DHRSX: variants seen among roughly 807,000 people sequenced by gnomAD.
DHRSX encodes polyprenol dehydrogenase.
In DHRSX, 31 loss-of-function variants were observed where a neutral mutation model predicts 34.0. The observed-to-expected ratio is 0.91, with a 90% CI of 0.69 to 1.23. DHRSX has a LOEUF of 1.23. Among genes scored for constraint, DHRSX ranks in the 50% most tolerant of loss-of-function variants. The probability of loss-of-function intolerance (pLI) is 0.00; values close to 1 mark genes in which losing one functional copy is unlikely to be tolerated. For synonymous variants in DHRSX, 201 were observed against 183.8 expected, an observed-to-expected ratio of 1.09 and a Z score of -0.76; for missense variants, 414 against 428.1, an observed-to-expected ratio of 0.97 and a Z score of 0.29.
chrX:2,471,564 CAA>C (rs772245590), intron 1 of DHRSX, among the ~76,000 whole-genome samples: 9 of 126,120 alleles, frequency 7.1e-5, no homozygotes, highest in African/African-American at 5.6e-5. Flanking sequence ...AACTCCATCT[CAA>C]AAAAAAAAAA....
At chrX:2,462,946 G>A (rs909909708) in intron 1 of DHRSX, among the ~76,000 whole-genome samples, 1 of 152,088 alleles carries the variant, frequency 6.6e-6, no homozygotes, top group Admixed American at 6.6e-5. Context: ...TGGGAGACTT[G>A]GGAGGTGATG....
intron 5 of DHRSX, among the ~76,000 whole-genome samples, chrX:2,257,451 T>A: frequency 6.6e-6 from 1 of 152,258 alleles, no homozygotes; most frequent in East Asian, 1.9e-4. Flanking sequence ...CCTACCACCA[T>A]CTGGTCATCT....
At chrX:2,415,838 CATA>C (rs764636391) in intron 2 of DHRSX, among the ~76,000 whole-genome samples, 2,342 of 151,924 alleles carry the variant, frequency 0.015, 29 homozygotes, top group Non-Finnish European at 0.025. Context: ...AACTAGACCT[CATA>C]ATAACTTCAC....
At chrX:2,433,989 A>G (rs1164412044) in intron 1 of DHRSX, among the ~76,000 whole-genome samples, 4 of 151,974 alleles carry the variant, frequency 2.6e-5, no homozygotes, top group Non-Finnish European at 5.9e-5. Flanking sequence ...TGTGTTAGCC[A>G]GGATGGTCTC....
intron 3 of DHRSX, among the ~76,000 whole-genome samples, chrX:2,318,415 C>T (rs2042266637): frequency 6.6e-6 from 1 of 151,820 alleles, no homozygotes; most frequent in African/African-American, 2.4e-5. Context: ...GAGAGGAGGT[C>T]GGCATTAAGA....
intron 3 of DHRSX, among the ~76,000 whole-genome samples, chrX:2,393,815 A>G (rs1267337482): frequency 3.8e-5 from 2 of 52,568 alleles, no homozygotes; most frequent in Admixed American, 4.1e-4. Flanking sequence ...CACACGACAC[A>G]CAGGGACCTC....
At chrX:2,252,749 G>A (rs2124442103) in intron 5 of DHRSX, among the ~76,000 whole-genome samples, 1 of 152,302 alleles carries the variant, frequency 6.6e-6, no homozygotes, top group East Asian at 1.9e-4. Context: ...AGAGGGGCAC[G>A]TAGTTTCAGG....
At chrX:2,448,463 AC>A (rs1237130931) in intron 1 of DHRSX, among the ~76,000 whole-genome samples, 1 of 151,830 alleles carries the variant, frequency 6.6e-6, no homozygotes, top group Non-Finnish European at 1.5e-5. Context: ...AGTAGATTTT[AC>A]ATATTCTGAC....
chrX:2,282,872 G>GGGGA (rs2041743779), intron 4 of DHRSX, among the ~76,000 whole-genome samples: 1 of 138,216 alleles, frequency 7.2e-6, no homozygotes, highest in Admixed American at 7.1e-5. Flanking sequence ...GGAGAGAGAG[G>GGGGA]GGGAGAGAGG....
intron 3 of DHRSX, among the ~76,000 whole-genome samples, chrX:2,342,133 G>A (rs2042648864): frequency 6.6e-6 from 1 of 152,086 alleles, no homozygotes; most frequent in South Asian, 2.1e-4. Flanking sequence ...TTGTGGGCGT[G>A]AAGGTTCAGT....
At chrX:2,300,094 G>C (rs771048761) in intron 3 of DHRSX, among the ~76,000 whole-genome samples, 1 of 152,120 alleles carries the variant, frequency 6.6e-6, no homozygotes, top group African/African-American at 2.4e-5. Flanking sequence ...TCTTCTTTGC[G>C]ATAGAGAACA....
intron 3 of DHRSX, among the ~76,000 whole-genome samples, chrX:2,360,318 C>A (rs375928250): frequency 2.0e-5 from 3 of 152,182 alleles, no homozygotes; most frequent in Non-Finnish European, 4.4e-5. Context: ...GGCGTGGTGG[C>A]TCACGCCTGT....
chrX:2,462,680 C>G (rs1444923402), intron 1 of DHRSX, among the ~76,000 whole-genome samples: 2 of 152,118 alleles, frequency 1.3e-5, no homozygotes, highest in African/African-American at 4.8e-5. Flanking sequence ...CTGCAAACCA[C>G]CTATATTTTG....
At chrX:2,451,233 T>TAAA (rs34552645) in intron 1 of DHRSX, among the ~76,000 whole-genome samples, 1 of 135,642 alleles carries the variant, frequency 7.4e-6, no homozygotes, top group South Asian at 2.4e-4. Context: ...ACTCCATCTT[T>TAAA]AAAAAAAAAA....
At chrX:2,364,031 T>G (rs1340376480) in intron 3 of DHRSX, among the ~76,000 whole-genome samples, 1 of 152,096 alleles carries the variant, frequency 6.6e-6, no homozygotes, top group Non-Finnish European at 1.5e-5. Context: ...CAGCCATGTT[T>G]GGAGGGGAAT....
chrX:2,359,539 G>C (rs2042901436), intron 3 of DHRSX, among the ~76,000 whole-genome samples: 1 of 152,006 alleles, frequency 6.6e-6, no homozygotes, highest in South Asian at 2.1e-4. Context: ...AATTAGCTGG[G>C]CGTGGGGGCG....
chrX:2,253,843 G>A (rs372766927), intron 5 of DHRSX, among the ~76,000 whole-genome samples: 2 of 152,090 alleles, frequency 1.3e-5, no homozygotes, highest in African/African-American at 2.4e-5. Context: ...GGCGGATCAC[G>A]AGGTCAGAAT....
At chrX:2,283,072 G>C (rs1365881382) in intron 4 of DHRSX, among the ~76,000 whole-genome samples, 2 of 151,952 alleles carry the variant, frequency 1.3e-5, no homozygotes, top group Non-Finnish European at 2.9e-5. Flanking sequence ...GAAAGAGAGA[G>C]AGAGAGGAGA....
rs2016111084 is a variant in DHRSX, at chrX:2,240,291, CAAAAAAAAAAAG to C, written c.804+2720_804+2731del. On this transcript the variant is annotated intron_variant, in intron 6 of 6. Coordinates refer to ENST00000334651, the MANE Select transcript of DHRSX (RefSeq NM_145177.3). ...CTGGTGACAGAGCGAGACTCTATCT[CAAAAAAAAAAAG>C]AAAAAGAAAAAGAAAAAAAGAAATT... 3.1e-5 allele frequency among the ~76,000 whole-genome samples: 4 copies of C among 130,428 alleles called. No individual in the cohort carries two copies. The South Asian group carries it at 9.8e-4, about 32-fold the overall frequency. 85.6% of individuals were successfully genotyped at this position (130,428 alleles called of 152,430 possible).
Sources: allele counts gnomAD v4.1 joint callset (sites outside exome capture counted in the v4.1 genomes callset), GRCh38; gene constraint gnomAD v4.1.1; transcripts MANE v1.5; gene names NCBI Gene and HGNC (gene_info 2026-07-23, HGNC 2026-07-21).